Variants in MOK observed in about 807,000 individuals in gnomAD.
The protein encoded by MOK is MOK protein kinase, also known as MAPK/MAK/MRK overlapping kinase.
In MOK, 59 loss-of-function variants were observed where a neutral mutation model predicts 54.2. The ratio of observed to expected loss-of-function variants is 1.09; its 90% confidence interval spans 0.88 to 1.35. MOK has a LOEUF of 1.35. Among genes scored for constraint, MOK ranks in the 40% most tolerant of loss-of-function variants. The pLI, the probability that MOK is intolerant of heterozygous loss-of-function variation, is 0.00. For missense variants in MOK, 517 were observed against 526.2 expected, an observed-to-expected ratio of 0.98 and a Z score of 0.17; for synonymous variants, 210 against 202.7, an observed-to-expected ratio of 1.04 and a Z score of -0.31.
At chr14:102,273,672 G>C (rs1008454811) in intron 2 of MOK, among the ~76,000 whole-genome samples, 1 of 152,004 alleles carries the variant, frequency 6.6e-6, no homozygotes, top group Non-Finnish European at 1.5e-5. Context: ...CCAGCTACTT[G>C]GCAGGCTGAG....
chr14:102,260,468 T>C (rs2067298773), intron 4 of MOK: 1 of 152,204 alleles, frequency 6.6e-6, no homozygotes, highest in African/African-American at 2.4e-5. Context: ...CTGTTAGCTA[T>C]TATCATTATC....
chr14:102,246,916 G>A (rs924867521), intron 7 of MOK, among the ~76,000 whole-genome samples: 2 of 151,660 alleles, frequency 1.3e-5, no homozygotes, highest in African/African-American at 4.8e-5. Flanking sequence ...ACCCTCCACC[G>A]AACAGACTAC....
chr14:102,260,745 G>C (rs2153126125), intron 4 of MOK: 1 of 152,280 alleles, frequency 6.6e-6, no homozygotes, highest in East Asian at 1.9e-4. Flanking sequence ...GCTGTAGACA[G>C]ATATTGAAAG....
At chr14:102,298,590 C>G (rs141589302) in intron 1 of MOK, among the ~76,000 whole-genome samples, 1 of 152,116 alleles carries the variant, frequency 6.6e-6, no homozygotes, top group Admixed American at 6.5e-5. Context: ...CCTGTCAAAA[C>G]GGACCAATCA....
downstream of MOK, among the ~76,000 whole-genome samples, chr14:102,221,918 G>A (rs1266718027): frequency 3.3e-5 from 5 of 152,162 alleles, no homozygotes; most frequent in Admixed American, 6.5e-5. The surrounding 1 kb of genome is among the most constrained non-coding windows in gnomAD (Gnocchi z 4.8). Context: ...GGGCTGCACT[G>A]TCGCCATCTT....
chr14:102,274,996 GA>G (rs2068723123), intron 2 of MOK, among the ~76,000 whole-genome samples: 1 of 149,710 alleles, frequency 6.7e-6, no homozygotes, highest in African/African-American at 2.5e-5. Flanking sequence ...AAAAGAAGAA[GA>G]AAGACTTTTA....
intron 1 of MOK, among the ~76,000 whole-genome samples, chr14:102,299,075 T>C (rs1463709641): frequency 6.6e-6 from 1 of 152,178 alleles, no homozygotes; most frequent in African/African-American, 2.4e-5. Flanking sequence ...GGGTCTGAGG[T>C]TTAGTTCTTG....
chr14:102,290,588 C>T (rs75172645), intron 1 of MOK, among the ~76,000 whole-genome samples: 2 of 152,146 alleles, frequency 1.3e-5, no homozygotes, highest in African/African-American at 4.8e-5. Flanking sequence ...AGTGTCACAA[C>T]TGGTCTGTGT....
At position 102,286,957 on chromosome 14, in the gene MOK, A is replaced by G. The variant is rs143354682; in HGVS notation, c.8-3365T>C. ...ATAATAATAATAATAATGTCCTTAA[A>G]AACTATACACACACACAGAATTAAT... On this transcript the variant is annotated intron_variant, in intron 1 of 11. Transcript: ENST00000361847. Among the ~76,000 whole-genome samples the G allele has an allele frequency of 1.3e-3, 201 of 150,456 alleles. 1 individual carries two copies. Among genetic ancestry groups the G allele is most frequent in the African/African-American group, 4.8e-3 (194 of 40,680 alleles).
chr14:102,250,206 C>A (rs1363719816), intron 7 of MOK, among the ~76,000 whole-genome samples: 1 of 152,156 alleles, frequency 6.6e-6, no homozygotes, highest in Admixed American at 6.5e-5. Flanking sequence ...CAGACCTTAA[C>A]CTCACTGCCA....
At chr14:102,256,642 C>T (rs950462138) in intron 4 of MOK, among the ~76,000 whole-genome samples, 2 of 151,798 alleles carry the variant, frequency 1.3e-5, no homozygotes, top group Non-Finnish European at 2.9e-5. Flanking sequence ...CTCAAATAAT[C>T]CTCCCGCCTT....
rs1484236277 is a variant in MOK, at chr14:102,250,839, G to A, written c.563C>T (p.Ala188Val). ...FYTYKMDLWS[A>V]GCVFYEIASL... The stretch of plus-strand genomic sequence containing the variant: ...GGCGATCTCGTAGAACACACAGCCG[G>A]CGCTCCACAGGTCCATCTTGTACGT... The change falls in exon 7 of 12, where the codon GCC (alanine) becomes GTC (valine). Residue 188 changes from alanine to valine, a missense_variant. Transcript: ENST00000361847. The A allele has an allele frequency of 6.2e-7, 1 of 1,613,884 alleles. No homozygotes were observed. The highest frequency in any genetic ancestry group is 1.3e-5 in the African/African-American group (1 of 74,920).
intron 7 of MOK, among the ~76,000 whole-genome samples, chr14:102,237,190 A>T (rs888845200): frequency 1.3e-5 from 2 of 151,974 alleles, no homozygotes; most frequent in African/African-American, 2.4e-5. Context: ...TTAGCTCAAG[A>T]TCTCACTTCC....
chr14:102,291,078 C>T (rs553407730), intron 1 of MOK, among the ~76,000 whole-genome samples: 1 of 152,316 alleles, frequency 6.6e-6, no homozygotes, highest in East Asian at 1.9e-4. Context: ...ATTGTTCTCA[C>T]TTGCCTTCTG....
intron 11 of MOK, 21 bp downstream of exon 11, chr14:102,229,436 G>A (rs1567124371): frequency 6.2e-7 from 1 of 1,614,180 alleles, no homozygotes; most frequent in Non-Finnish European, 8.5e-7. Context: ...AGCGCCGTCA[G>A]AGAAGCTGGT....
chr14:102,289,960 A>T (rs1182958783), intron 1 of MOK, among the ~76,000 whole-genome samples: 1 of 152,172 alleles, frequency 6.6e-6, no homozygotes, highest in Non-Finnish European at 1.5e-5. Context: ...CCTAACAAGG[A>T]GACTAGATTC....
rs1327480296 is a variant in MOK, at chr14:102,236,669, A to AT, written c.591-2881_591-2880insA. Among the ~76,000 whole-genome samples, 56 of 139,538 alleles carry AT rather than the reference A, an allele frequency of 4.0e-4. No homozygotes were observed. Among genetic ancestry groups the AT allele is most frequent in the African/African-American group, 1.6e-3 (53 of 33,734 alleles). 91.5% of individuals were successfully genotyped at this position (139,538 alleles called of 152,430 possible). On this transcript the variant is annotated intron_variant, in intron 7 of 11. Transcript: ENST00000361847. The surrounding 1 kb of genome is among the most constrained non-coding windows in gnomAD (Gnocchi z 4.5). ...ACTTCCCACCTCTTTTGTAAACCCA[A>AT]CAGGGTGGGACACCACCACCCCTTC...
Position 102,238,150 on chromosome 14 carries a change from C to T in MOK, c.591-4361G>A, listed in dbSNP as rs1257390329. On this transcript the variant is annotated intron_variant, in intron 7 of 11. Transcript: ENST00000361847. The surrounding 1 kb of genome is among the most constrained non-coding windows in gnomAD (Gnocchi z 4.8). Reference sequence around the variant, plus strand: ...TGACCAGCTATTTATAGATGGCCCCCCTTCTGGGCCCACTGGCTCCCCCAA... The same window carrying T: ...TGACCAGCTATTTATAGATGGCCCCTCTTCTGGGCCCACTGGCTCCCCCAA... The T allele has an allele frequency of 6.6e-6, 1 of 152,180 alleles. No individual in the cohort carries two copies. Among genetic ancestry groups the T allele is most frequent in the Non-Finnish European group, 1.5e-5 (1 of 68,040 alleles). The allele number at this position is 152,180 out of a possible 1,614,324, so 9.4% of individuals were successfully genotyped here.
At chr14:102,276,141 C>T (rs745713852) in intron 2 of MOK, among the ~76,000 whole-genome samples, 10 of 152,070 alleles carry the variant, frequency 6.6e-5, no homozygotes, top group Non-Finnish European at 1.3e-4. Context: ...CATCAAATGC[C>T]GGTGGGAATA....
Sources: allele counts gnomAD v4.1 joint callset (sites outside exome capture counted in the v4.1 genomes callset), GRCh38; gene constraint gnomAD v4.1.1; non-coding constraint Gnocchi (gnomAD v3.1); transcripts MANE v1.5; gene names NCBI Gene and HGNC (gene_info 2026-07-23, HGNC 2026-07-21).